The following PARD3 variants were observed in gnomAD, a reference collection of about 807,000 sequenced individuals.
PARD3 encodes the protein partitioning defective 3 homolog.
PARD3 carries 75 observed loss-of-function variants against 155.4 expected under a neutral mutation model. The observed-to-expected ratio is 0.48, with a 90% CI of 0.40 to 0.58. The LOEUF (loss-of-function observed/expected upper bound fraction) is 0.58, where lower values mean the gene tolerates loss of function less well. PARD3 is among the 20% of genes least tolerant of loss of function. The pLI, the probability that PARD3 is intolerant of heterozygous loss-of-function variation, is 0.00. For missense variants in PARD3, 1,642 were observed against 1,721.7 expected (o/e 0.95, Z 0.82); for synonymous variants, 576 against 610.5 (o/e 0.94, Z 0.83).
intron 14 of PARD3, among the ~76,000 whole-genome samples, chr10:34,349,932 TGC>T (rs1837860072): frequency 6.6e-6 from 1 of 152,192 alleles, no homozygotes; most frequent in Non-Finnish European, 1.5e-5. Flanking sequence ...AAGGAGTACA[TGC>T]AGGTTTTCTA....
intron 23 of PARD3, among the ~76,000 whole-genome samples, chr10:34,124,107 T>C (rs952312641): frequency 2.6e-5 from 4 of 152,220 alleles, no homozygotes; most frequent in Non-Finnish European, 5.9e-5. Flanking sequence ...ATATGTAATA[T>C]TTTTATAAAG....
intron 22 of PARD3, among the ~76,000 whole-genome samples, chr10:34,267,978 G>T (rs1452627121): frequency 2.0e-5 from 3 of 152,116 alleles, no homozygotes; most frequent in East Asian, 1.9e-4. Context: ...TCAAGGCCCA[G>T]TTCCTAAATA....
At chr10:34,121,912 C>T (rs34289616) in intron 23 of PARD3, among the ~76,000 whole-genome samples, 5 of 152,200 alleles carry the variant, frequency 3.3e-5, no homozygotes, top group African/African-American at 7.2e-5. Context: ...AAAAACACTT[C>T]GCTGAGCGAG....
At chr10:34,156,893 T>A (rs7082715) in intron 22 of PARD3, among the ~76,000 whole-genome samples, 10,875 of 152,118 alleles carry the variant, frequency 0.071, 1,031 homozygotes, top group East Asian at 0.3. Flanking sequence ...AAGGTAACCA[T>A]GAAGGCTCAT....
rs181105624 is a variant in PARD3 at position 34,299,748 on chromosome 10, T to C, written c.3066-15503A>G. 1.4e-3 allele frequency among the ~76,000 whole-genome samples: 212 copies of C among 152,330 alleles called. 1 individual carries two copies. Among genetic ancestry groups the C allele is most frequent in the African/African-American group, 4.8e-3 (199 of 41,584 alleles). ...ACAGGAAAAATGCTATATAAATTTT[T>C]CTGTTTGTTCATTAAAATTAAGAAA... On this transcript the variant is annotated intron_variant, in intron 20 of 24. Coordinates refer to ENST00000374788, the MANE Select transcript of PARD3 (RefSeq NM_001184785.2).
In PARD3 at chr10:34,383,322, AAGAC is replaced by A. The variant is rs201678254; in HGVS notation, c.1017-404_1017-401del. On this transcript the variant is annotated intron_variant, in intron 8 of 24. Transcript: ENST00000374788. ...ATACTTCAATTTAAGTTTTCAAAGAAAGACAGAGCTTTATAATTATATTTAGAAT... is the reference window on the plus strand; with the variant it reads ...ATACTTCAATTTAAGTTTTCAAAGAAAGAGCTTTATAATTATATTTAGAAT... 8.1e-3 allele frequency among the ~76,000 whole-genome samples: 1,235 copies of A among 152,222 alleles called. 12 individuals are homozygous for A. Among genetic ancestry groups the A allele is most frequent in the South Asian group, 0.024 (115 of 4,820 alleles).
At chr10:34,413,138 T>TACACAC (rs879785568) in intron 5 of PARD3, among the ~76,000 whole-genome samples, 1,491 of 93,480 alleles carry the variant, frequency 0.016, 22 homozygotes, top group African/African-American at 0.076. Context: ...GTACTTCAGA[T>TACACAC]ATATATACAC....
At position 34,387,995 on chromosome 10, in the gene PARD3, T is replaced by G. The variant is rs1202032248; in HGVS notation, c.891-3741A>C. Reference sequence around the variant, plus strand: ...GTATAGAAACTATAATGGAAATTTATTAACTGAGGCTTTAGCAACCAACAT... The same window carrying G: ...GTATAGAAACTATAATGGAAATTTAGTAACTGAGGCTTTAGCAACCAACAT... On this transcript the variant is annotated intron_variant, in intron 7 of 24. Coordinates refer to ENST00000374788, the MANE Select transcript of PARD3 (RefSeq NM_001184785.2). Among the ~76,000 whole-genome samples the G allele has an allele frequency of 2.0e-5, 3 of 152,292 alleles. No homozygotes were observed. In the East Asian group the frequency reaches 5.8e-4, roughly 29 times the overall value.
At chr10:34,341,852 A>G (rs770605749) in intron 15 of PARD3, 36 bp from the exon 16 acceptor site, 1 of 1,334,918 alleles carries the variant, frequency 7.5e-7, no homozygotes, top group Non-Finnish European at 1.1e-6. Context: ...AAAATTCTAG[A>G]CATCGATCAA....
At chr10:34,340,438 C>T (rs1836685878) in intron 16 of PARD3, among the ~76,000 whole-genome samples, 1 of 152,098 alleles carries the variant, frequency 6.6e-6, no homozygotes, top group African/African-American at 2.4e-5. Context: ...TTGTAGTCTT[C>T]CCTTCTATGT....
chr10:34,784,424 C>T (rs1280841061), intron 1 of PARD3, among the ~76,000 whole-genome samples: 1 of 150,364 alleles, frequency 6.7e-6, no homozygotes, highest in Non-Finnish European at 1.5e-5. Flanking sequence ...TAAACACTCT[C>T]CTGGTATTTT....
rs1291652239 is a variant in PARD3, at chr10:34,378,108, T to TA, written c.1400-3dup. On this transcript the variant is annotated splice_polypyrimidine_tract_variant and splice_region_variant and intron_variant, in intron 9 of 24. Transcript: ENST00000374788. The stretch of plus-strand genomic sequence containing the variant: ...TGCTGAATCCCAAACCTTCTGTACC[T>TA]AGGTATGTGAAGGAGAAGAAAAGTA... 4.4e-6 allele frequency: 7 copies of TA among 1,581,660 alleles called. No homozygotes were observed. The highest frequency in any genetic ancestry group is 6.0e-6 in the Non-Finnish European group (7 of 1,166,230).
At chr10:34,150,827 A>G (rs1948742969) in intron 22 of PARD3, among the ~76,000 whole-genome samples, 1 of 152,236 alleles carries the variant, frequency 6.6e-6, no homozygotes, top group African/African-American at 2.4e-5. Flanking sequence ...TTCATAAAAT[A>G]TGACAGCTCT....
intron 3 of PARD3, among the ~76,000 whole-genome samples, chr10:34,498,546 G>A (rs2080445377): frequency 6.6e-6 from 1 of 152,150 alleles, no homozygotes; most frequent in Admixed American, 6.5e-5. Flanking sequence ...GGAGGCCAAG[G>A]CAGGAGGATT....
At chr10:34,127,913 A>C (rs926006460) in intron 23 of PARD3, among the ~76,000 whole-genome samples, 2 of 152,250 alleles carry the variant, frequency 1.3e-5, no homozygotes, top group Admixed American at 6.5e-5. Context: ...ATTATGCCAA[A>C]CAATATAAGC....
In PARD3 at chr10:34,752,276, TA is replaced by T. The variant is rs75199461; in HGVS notation, c.121-55858del. Among the ~76,000 whole-genome samples, 923 of 141,928 alleles carry T rather than the reference TA, an allele frequency of 6.5e-3. 3 individuals are homozygous for T. Among genetic ancestry groups the T allele is most frequent in the East Asian group, 0.038 (188 of 4,934 alleles). 93.1% of individuals were successfully genotyped at this position (141,928 alleles called of 152,430 possible). A position where few individuals can be genotyped will look rare whatever the true frequency, so the allele number is the denominator to read the frequency against. On this transcript the variant is annotated intron_variant, in intron 1 of 24. Coordinates refer to ENST00000374788, the MANE Select transcript of PARD3 (RefSeq NM_001184785.2). ...ATGTGCATTCTTTTTGCCTTTAGCT[TA>T]AAAAAAAAAAAAGTAAGATAAAAAT...
At chr10:34,469,823 G>A (rs937508555) in intron 4 of PARD3, among the ~76,000 whole-genome samples, 11 of 152,026 alleles carry the variant, frequency 7.2e-5, no homozygotes, top group Non-Finnish European at 1.5e-4. Context: ...CATTTTTAAC[G>A]ATATGAAATG....
At chr10:34,400,590 T>C (rs1021097271) in intron 6 of PARD3, among the ~76,000 whole-genome samples, 3 of 152,162 alleles carry the variant, frequency 2.0e-5, no homozygotes, top group Non-Finnish European at 4.4e-5. Flanking sequence ...TTATTACCAA[T>C]GAATTTCACA....
intron 1 of PARD3, among the ~76,000 whole-genome samples, chr10:34,778,772 T>G (rs887280878): frequency 6.6e-6 from 1 of 152,168 alleles, no homozygotes; most frequent in Non-Finnish European, 1.5e-5. Context: ...TTAATAACAT[T>G]AAGAGCTTGC....
Sources: gnomAD v4.1 joint callset for allele counts (sites outside exome capture counted in the v4.1 genomes callset) on GRCh38, gnomAD v4.1.1 for gene constraint, MANE v1.5 for transcripts, NCBI Gene and HGNC (gene_info 2026-07-23, HGNC 2026-07-21) for gene names.